ST8SIA6: variants seen among roughly 807,000 people sequenced by gnomAD.
The protein encoded by ST8SIA6 is ST8 alpha-N-acetyl-neuraminide alpha-2,8-sialyltransferase 6, also known as alpha-2,8-sialyltransferase 8F.
A neutral mutation model predicts 33.6 loss-of-function variants in ST8SIA6; 39 were observed. The ratio of observed to expected loss-of-function variants is 1.16; its 90% CI spans 0.90 to 1.52. The LOEUF is 1.52. ST8SIA6 is among the 40% of genes most tolerant of loss of function. The pLI is 0.00. For synonymous variants in ST8SIA6, 172 were observed against 167.2 expected (o/e 1.03, Z -0.22); for missense variants, 441 against 443.8 (o/e 0.99, Z 0.06).
At position 17,316,808 on chromosome 10, in the gene ST8SIA6, T is replaced by C. The variant is rs1847790898; in HGVS notation, c.*4070A>G. On this transcript the variant is annotated 3_prime_UTR_variant, in exon 8 of 8. Transcript: ENST00000377602. ...GTTCATTTTTATATTGAGTTTCCTG[T>C]CTTTTACTTGTTGATTTACAATTCC... Among the ~76,000 whole-genome samples, 1 of 152,142 alleles carries C rather than the reference T, an allele frequency of 6.6e-6. No homozygotes were observed. Among genetic ancestry groups the C allele is most frequent in the Admixed American group, 6.6e-5 (1 of 15,264 alleles).
chr10:17,440,207 A>AT lies in ST8SIA6; in HGVS notation c.200+13351dup, dbSNP rs199531697. Among the ~76,000 whole-genome samples, 938 of 135,862 alleles carry AT rather than the reference A, an allele frequency of 6.9e-3. 9 individuals are homozygous for AT. Among genetic ancestry groups the AT allele is most frequent in the African/African-American group, 0.011 (371 of 34,970 alleles). 89.1% of individuals were successfully genotyped at this position (135,862 alleles called of 152,430 possible). A position where few individuals can be genotyped will look rare whatever the true frequency, so the allele number is the denominator to read the frequency against. Reference sequence around the variant, plus strand: ...CTCAACTCAATAGTTTCTCAAATGTATTTTTTTTTTTTTTTTTGAGACAGA... The same window carrying AT: ...CTCAACTCAATAGTTTCTCAAATGTATTTTTTTTTTTTTTTTTTGAGACAGA... On this transcript the variant is annotated intron_variant, in intron 2 of 7. Coordinates refer to ENST00000377602, the MANE Select transcript of ST8SIA6 (RefSeq NM_001004470.3).
At chr10:17,387,753 G>C (rs1156682162) in intron 3 of ST8SIA6, among the ~76,000 whole-genome samples, 1 of 152,204 alleles carries the variant, frequency 6.6e-6, no homozygotes, top group Non-Finnish European at 1.5e-5. Flanking sequence ...AAAAAGTTAA[G>C]AGATTTCTGC....
chr10:17,431,736 GAA>G (rs113184112), intron 2 of ST8SIA6, among the ~76,000 whole-genome samples: 6 of 118,894 alleles, frequency 5.0e-5, no homozygotes, highest in Non-Finnish European at 5.8e-5. Flanking sequence ...TCTTCGTTTG[GAA>G]AAAAAAAAAA....
rs184986974 is a variant in ST8SIA6 at position 17,334,488 on chromosome 10, G to A, written c.378-2936C>T. Among the ~76,000 whole-genome samples, 194 of 150,054 alleles carry A rather than the reference G, an allele frequency of 1.3e-3. 2 individuals carry two copies. The highest frequency in any genetic ancestry group is 4.4e-3 in the African/African-American group (181 of 40,800). The stretch of plus-strand genomic sequence containing the variant: ...CAGAAAGAGGAGCTTGCAGTGAGCC[G>A]CAGTAGCGCCACTGCACTCCAGCCT... On this transcript the variant is annotated intron_variant, in intron 4 of 7. Coordinates refer to ENST00000377602, the MANE Select transcript of ST8SIA6 (RefSeq NM_001004470.3).
At chr10:17,423,963 GCAAAT>G (rs1851857397) in intron 2 of ST8SIA6, among the ~76,000 whole-genome samples, 1 of 152,158 alleles carries the variant, frequency 6.6e-6, no homozygotes, top group South Asian at 2.1e-4. Context: ...CAGACAGATA[GCAAAT>G]CTCCCTTGAA....
At chr10:17,379,709 T>G (rs1160618889) in intron 3 of ST8SIA6, among the ~76,000 whole-genome samples, 1 of 152,150 alleles carries the variant, frequency 6.6e-6, no homozygotes, top group African/African-American at 2.4e-5. Context: ...ATGTACTTCT[T>G]ATATTGATTG....
At position 17,357,395 on chromosome 10, in the gene ST8SIA6, C is replaced by G. The variant is rs891080758; in HGVS notation, c.377+2119G>C. Among the ~76,000 whole-genome samples, 24 of 152,016 alleles carry G rather than the reference C, an allele frequency of 1.6e-4. 1 individual carries two copies. The highest frequency in any genetic ancestry group is 5.3e-4 in the African/African-American group (22 of 41,456). On this transcript the variant is annotated intron_variant, in intron 4 of 7. Coordinates refer to ENST00000377602, the MANE Select transcript of ST8SIA6 (RefSeq NM_001004470.3). ...TCGTGATCCACCTGCCTCAGCCTCC[C>G]AAAGTGCTGGGATTACAGGCGTGAG... is the stretch of plus-strand genomic sequence containing the variant.
Position 17,454,479 on chromosome 10 carries a change from C to G in ST8SIA6, c.-224G>C, listed in dbSNP as rs1364794777. The G allele has an allele frequency of 6.4e-6, 1 of 156,298 alleles. No individual in the cohort carries two copies. 9.7% of individuals were successfully genotyped at this position (156,298 alleles called of 1,614,324 possible). A position where few individuals can be genotyped will look rare whatever the true frequency, so the allele number is the denominator to read the frequency against. ...TTCGGGCTCGCCCCGGGCTCCCGGC[C>G]CCGGCCCGCGGAGCGCCGCGATCGG... On this transcript the variant is annotated 5_prime_UTR_variant, in exon 1 of 8. Coordinates refer to ENST00000377602, the MANE Select transcript of ST8SIA6 (RefSeq NM_001004470.3). This position sits in a 1 kb window ranked among gnomAD's most constrained non-coding sequence, Gnocchi z 4.1.
intron 3 of ST8SIA6, among the ~76,000 whole-genome samples, chr10:17,360,885 G>T (rs1849359344): frequency 6.6e-6 from 1 of 150,640 alleles, no homozygotes; most frequent in Admixed American, 6.7e-5. Context: ...ACTGGGAGAA[G>T]AAAGAAGATG....
chr10:17,338,135 A>G (rs547316621), intron 4 of ST8SIA6, among the ~76,000 whole-genome samples: 1 of 151,262 alleles, frequency 6.6e-6, no homozygotes, highest in Non-Finnish European at 1.5e-5. Context: ...CCCGGGTTCA[A>G]TTGATTCTCC....
At chr10:17,333,690 T>G (rs71491135) in intron 4 of ST8SIA6, among the ~76,000 whole-genome samples, 6,203 of 38,468 alleles carry the variant, frequency 0.16, 483 homozygotes, top group African/African-American at 0.26. Context: ...TATATATATA[T>G]ATATATATAT....
intron 2 of ST8SIA6, among the ~76,000 whole-genome samples, chr10:17,434,452 A>G (rs972357342): frequency 2.0e-5 from 3 of 152,248 alleles, no homozygotes; most frequent in African/African-American, 7.2e-5. Context: ...GAACGGATGA[A>G]TGAAGCCATT....
At chr10:17,370,009 G>C (rs1200488805) in intron 3 of ST8SIA6, among the ~76,000 whole-genome samples, 1 of 115,122 alleles carries the variant, frequency 8.7e-6, no homozygotes, top group Non-Finnish European at 1.8e-5. Context: ...TTTTTTTTTT[G>C]GAGACGGAGT....
intron 2 of ST8SIA6, among the ~76,000 whole-genome samples, chr10:17,449,461 T>G (rs1330693473): frequency 6.6e-6 from 1 of 152,192 alleles, no homozygotes; most frequent in African/African-American, 2.4e-5. Context: ...CTAGACCACT[T>G]GAAACATCTT....
At chr10:17,428,964 T>C (rs1360954210) in intron 2 of ST8SIA6, among the ~76,000 whole-genome samples, 2 of 152,096 alleles carry the variant, frequency 1.3e-5, no homozygotes, top group Admixed American at 1.3e-4. Context: ...TATGTGGCTT[T>C]TGTGGCCTGA....
intron 2 of ST8SIA6, among the ~76,000 whole-genome samples, chr10:17,441,655 A>G (rs1852499430): frequency 6.6e-6 from 1 of 152,162 alleles, no homozygotes; most frequent in Admixed American, 6.5e-5. Flanking sequence ...CCATTGTGCC[A>G]GCACCATTTG....
intron 4 of ST8SIA6, among the ~76,000 whole-genome samples, chr10:17,344,908 A>G (rs1356061703): frequency 6.6e-6 from 1 of 152,186 alleles, no homozygotes; most frequent in Admixed American, 6.5e-5. Context: ...TCCTGCAAGA[A>G]AGATAGGATA....
chr10:17,322,244 AAAAGAAAG>A (rs1847984224), intron 7 of ST8SIA6, among the ~76,000 whole-genome samples: 1 of 151,570 alleles, frequency 6.6e-6, no homozygotes, highest in Non-Finnish European at 1.5e-5. Flanking sequence ...AAGAAAGAGA[AAAAGAAAG>A]GAAAAAGAGA....
chr10:17,337,360 T>A (rs1303197127), intron 4 of ST8SIA6, among the ~76,000 whole-genome samples: 1 of 152,196 alleles, frequency 6.6e-6, no homozygotes, highest in Non-Finnish European at 1.5e-5. Flanking sequence ...AGCAGCAGAC[T>A]GTTCTTTATT....
Sources: allele counts gnomAD v4.1 joint callset (sites outside exome capture counted in the v4.1 genomes callset), GRCh38; gene constraint gnomAD v4.1.1; non-coding constraint Gnocchi (gnomAD v3.1); transcripts MANE v1.5; gene names NCBI Gene and HGNC (gene_info 2026-07-23, HGNC 2026-07-21).